Variants in USP32 observed in about 807,000 individuals in gnomAD.
USP32 encodes the protein ubiquitin carboxyl-terminal hydrolase 32.
A neutral mutation model predicts 204.8 loss-of-function variants in USP32; 59 were observed. The ratio of observed to expected loss-of-function variants is 0.29; its 90% CI spans 0.23 to 0.36. The LOEUF is 0.36. USP32 is among the 10% of genes least tolerant of loss of function. The pLI is 1.00. For missense variants in USP32, 1,160 were observed against 1,946.4 expected, an observed-to-expected ratio of 0.60 and a Z score of 7.60; for synonymous variants, 517 against 678.4, an observed-to-expected ratio of 0.76 and a Z score of 3.70.
intron 1 of USP32, among the ~76,000 whole-genome samples, chr17:60,378,585 A>G (rs1194183794): frequency 6.6e-6 from 1 of 152,202 alleles, no homozygotes; most frequent in South Asian, 2.1e-4. Context: ...AACAAGATGT[A>G]GTATATACAA....
intron 9 of USP32, among the ~76,000 whole-genome samples, chr17:60,264,509 T>C (rs1321814885): frequency 2.7e-5 from 4 of 150,494 alleles, no homozygotes; most frequent in African/African-American, 9.8e-5. Flanking sequence ...AGCAAGATCC[T>C]GTCTCCAAAA....
intron 2 of USP32, among the ~76,000 whole-genome samples, chr17:60,343,707 C>A (rs1410815778): frequency 6.6e-6 from 1 of 152,190 alleles, no homozygotes; most frequent in Non-Finnish European, 1.5e-5. Flanking sequence ...CAGGAAAGAT[C>A]TAAAATCAAC....
intron 2 of USP32, among the ~76,000 whole-genome samples, chr17:60,334,609 C>G (rs374394383): frequency 0.021 from 2,734 of 127,584 alleles, 95 homozygotes; most frequent in African/African-American, 0.077. Flanking sequence ...GGAGAATGGC[C>G]TGAACCCGGG....
intron 1 of USP32, among the ~76,000 whole-genome samples, chr17:60,389,750 C>T (rs962680697): frequency 1.3e-5 from 2 of 151,984 alleles, no homozygotes; most frequent in South Asian, 2.1e-4. Context: ...GGCGCGGTGG[C>T]TCATGCCTGT....
rs1373234693 is a variant in USP32 at position 60,378,899 on chromosome 17, G to T, written c.58+12983C>A. ...CACTAATTGTACATTTTTTAAAATAGTTCAAATGGTAAATGGTATGTTCTA... is the reference window on the plus strand; with the variant it reads ...CACTAATTGTACATTTTTTAAAATATTTCAAATGGTAAATGGTATGTTCTA... On this transcript the variant is annotated intron_variant, in intron 1 of 33. Transcript: ENST00000300896. Among the ~76,000 whole-genome samples the T allele has an allele frequency of 2.0e-5, 3 of 151,874 alleles. No individual in the cohort carries two copies. In the East Asian group the frequency reaches 5.8e-4, roughly 29 times the overall value.
At chr17:60,307,922 T>A (rs1334514899) in intron 2 of USP32, among the ~76,000 whole-genome samples, 1 of 152,028 alleles carries the variant, frequency 6.6e-6, no homozygotes, top group Non-Finnish European at 1.5e-5. Flanking sequence ...GAGGAACACA[T>A]CAGTTGAAGA....
intron 9 of USP32, among the ~76,000 whole-genome samples, chr17:60,264,539 A>C (rs949392859): frequency 4.0e-5 from 6 of 151,536 alleles, no homozygotes; most frequent in Non-Finnish European, 7.4e-5. Context: ...GACAAAAAAA[A>C]AAACAAAAGA....
At chr17:60,184,867 C>G (rs2084211036) in intron 30 of USP32, among the ~76,000 whole-genome samples, 1 of 150,718 alleles carries the variant, frequency 6.6e-6, no homozygotes, top group Non-Finnish European at 1.5e-5. Flanking sequence ...CAGTACCTTA[C>G]AGTTACACTG....
intron 26 of USP32, among the ~76,000 whole-genome samples, chr17:60,199,877 CT>C (rs1199783028): frequency 2.0e-5 from 3 of 152,164 alleles, no homozygotes; most frequent in Non-Finnish European, 4.4e-5. Context: ...ATAAATTCTA[CT>C]CCTAGTTATT....
chr17:60,337,487 A>T (rs1453345896), intron 2 of USP32, among the ~76,000 whole-genome samples: 1 of 152,238 alleles, frequency 6.6e-6, no homozygotes, highest in African/African-American at 2.4e-5. Flanking sequence ...TACTAAAAAG[A>T]AAGTATTAAT....
chr17:60,402,583 A>C (rs2089944596), intron 1 of USP32, among the ~76,000 whole-genome samples: 1 of 152,196 alleles, frequency 6.6e-6, no homozygotes, highest in African/African-American at 2.4e-5. Flanking sequence ...ACGCTAAATT[A>C]GTAATCAGAA....
chr17:60,221,537 C>T (rs1406397965), intron 15 of USP32, among the ~76,000 whole-genome samples: 2 of 150,448 alleles, frequency 1.3e-5, no homozygotes, highest in Non-Finnish European at 1.5e-5. Context: ...CGGAATCTCG[C>T]TCTGTCACCC....
At position 60,178,024 on chromosome 17, in the gene USP32, G is replaced by A. The variant is rs1216687399; in HGVS notation, c.*1231C>T. On this transcript the variant is annotated 3_prime_UTR_variant, in exon 34 of 34. Coordinates refer to ENST00000300896, the MANE Select transcript of USP32 (RefSeq NM_032582.4). Reference sequence around the variant, plus strand: ...TACTTTTGTTCCAGTCTTGATTAGAGAAAAAAATGAAGTAAGCAAAGAAAC... The same window carrying A: ...TACTTTTGTTCCAGTCTTGATTAGAAAAAAAAATGAAGTAAGCAAAGAAAC... Among the ~76,000 whole-genome samples, 3 of 151,782 alleles carry A rather than the reference G, an allele frequency of 2.0e-5. No homozygotes were observed. Among genetic ancestry groups the A allele is most frequent in the Admixed American group, 1.3e-4 (2 of 15,212 alleles).
At position 60,223,330 on chromosome 17, in the gene USP32, C is replaced by T. The variant is rs2085303215; in HGVS notation, c.1608+81G>A. ...AATTAAATGAACCATCAATGTTTTG[C>T]TATGTGCTAAAACCTCTGAAATGAA... is the stretch of plus-strand genomic sequence containing the variant. On this transcript the variant is annotated intron_variant, in intron 14 of 33. Transcript: ENST00000300896. The T allele has an allele frequency of 4.7e-5, 56 of 1,181,522 alleles. 5 individuals are homozygous for T. The South Asian group carries it at 7.4e-4, about 16-fold the overall frequency. 73.2% of individuals were successfully genotyped at this position (1,181,522 alleles called of 1,614,324 possible). A position where few individuals can be genotyped will look rare whatever the true frequency, so the allele number is the denominator to read the frequency against.
chr17:60,289,870 C>A (rs1248519333), intron 4 of USP32, among the ~76,000 whole-genome samples: 1 of 152,054 alleles, frequency 6.6e-6, no homozygotes, highest in African/African-American at 2.4e-5. Context: ...TAATTAGTTA[C>A]CTAAAAGAAA....
upstream of USP32, among the ~76,000 whole-genome samples, chr17:60,394,900 C>T (rs80154564): frequency 2.1e-3 from 326 of 152,146 alleles, 1 homozygote; most frequent in African/African-American, 7.4e-3. Context: ...CACACCATCC[C>T]GCCCGGCTAA....
At chr17:60,402,507 C>G (rs1319952809) in intron 1 of USP32, among the ~76,000 whole-genome samples, 1 of 152,094 alleles carries the variant, frequency 6.6e-6, no homozygotes, top group African/African-American at 2.4e-5. Context: ...TTTGGCCTCC[C>G]AAAGTGCTGG....
At chr17:60,415,233 G>A (rs1444411570) in intron 1 of USP32, among the ~76,000 whole-genome samples, 1 of 152,112 alleles carries the variant, frequency 6.6e-6, no homozygotes, top group Non-Finnish European at 1.5e-5. Context: ...CTGCTGGCAG[G>A]GAAGACACAG....
intron 25 of USP32, 91 bp downstream of exon 25, chr17:60,206,930 T>A: frequency 6.6e-7 from 1 of 1,517,304 alleles, no homozygotes; most frequent in South Asian, 1.3e-5. Context: ...TGCTATAATA[T>A]CCTCAGCATG....
Sources: gnomAD v4.1 joint callset for allele counts (sites outside exome capture counted in the v4.1 genomes callset) on GRCh38, gnomAD v4.1.1 for gene constraint, MANE v1.5 for transcripts, NCBI Gene and HGNC (gene_info 2026-07-23, HGNC 2026-07-21) for gene names.